The following SCTR variants were observed in gnomAD, a reference collection of about 807,000 sequenced individuals.
SCTR encodes pancreatic secretin receptor.
A neutral mutation model predicts 60.8 loss-of-function variants in SCTR; 56 were observed. The ratio of observed to expected loss-of-function variants is 0.92; its 90% confidence interval spans 0.74 to 1.15. The LOEUF is 1.15. Ranked by LOEUF, SCTR falls within the 50% of genes most tolerant of loss-of-function variation. SCTR has a pLI of 0.00. For synonymous variants in SCTR, 202 were observed against 217.0 expected, an observed-to-expected ratio of 0.93 and a Z score of 0.61; for missense variants, 562 against 550.4, an observed-to-expected ratio of 1.02 and a Z score of -0.21.
At chr2:119,503,454 T>C (rs1291473924) in intron 1 of SCTR, among the ~76,000 whole-genome samples, 3 of 152,124 alleles carry the variant, frequency 2.0e-5, no homozygotes. Context: ...TAGGATTGCT[T>C]GAGCCTGGGA....
In SCTR at chr2:119,456,061, C is replaced by CTTT. The variant is rs34764285; in HGVS notation, c.791-2717_791-2715dup. On this transcript the variant is annotated intron_variant, in intron 7 of 12. Coordinates refer to ENST00000019103, the MANE Select transcript of SCTR (RefSeq NM_002980.3). ...AATTCTGGGGAAAATGATTTTTCAA[C>CTTT]TTTTTTTTTTTTTTTTTTTTTTGAG... 8.3e-4 allele frequency among the ~76,000 whole-genome samples: 100 copies of CTTT among 121,054 alleles called. 1 individual carries two copies. Among genetic ancestry groups the CTTT allele is most frequent in the African/African-American group, 2.7e-3 (82 of 30,682 alleles). 79.4% of individuals were successfully genotyped at this position (121,054 alleles called of 152,430 possible).
At chr2:119,500,249 G>A (rs1678498272) in intron 1 of SCTR, among the ~76,000 whole-genome samples, 2 of 152,140 alleles carry the variant, frequency 1.3e-5, no homozygotes, top group Non-Finnish European at 2.9e-5. Flanking sequence ...ATGAGAAGAA[G>A]GGGAATGCTT....
intron 1 of SCTR, among the ~76,000 whole-genome samples, chr2:119,514,664 T>C (rs1573929337): frequency 6.6e-6 from 1 of 151,994 alleles, no homozygotes; most frequent in South Asian, 2.1e-4. Flanking sequence ...TCACCTGAGG[T>C]CGGGAGTTTG....
At chr2:119,473,316 A>C in intron 4 of SCTR, 137 bp downstream of exon 4, 1 of 623,534 alleles carries the variant, frequency 1.6e-6, no homozygotes, top group Admixed American at 2.8e-5. Flanking sequence ...GCATGGGGAC[A>C]GGGGGTAGCC....
rs193013559 is a variant in SCTR at position 119,449,072 on chromosome 2, C to T, written c.922-292G>A. Among the ~76,000 whole-genome samples, 61 of 152,316 alleles carry T rather than the reference C, an allele frequency of 4.0e-4. 1 individual carries two copies. The highest frequency in any genetic ancestry group is 3.9e-3 in the Admixed American group (59 of 15,296). ...CACCCGTGCAGAGCATTGGAAGCCC[C>T]CGGGGATATTGTTAAAATGCAGGTT... On this transcript the variant is annotated intron_variant, in intron 9 of 12. Transcript: ENST00000019103.
At chr2:119,518,478 A>G (rs1317011207) in intron 1 of SCTR, among the ~76,000 whole-genome samples, 1 of 151,978 alleles carries the variant, frequency 6.6e-6, no homozygotes, top group Non-Finnish European at 1.5e-5. Flanking sequence ...GAACCTCAGG[A>G]GCCTGCAGCA....
At position 119,483,676 on chromosome 2, in the gene SCTR, C is replaced by A. The variant is rs1023960110; in HGVS notation, c.194-4758G>T. 4.6e-5 allele frequency among the ~76,000 whole-genome samples: 7 copies of A among 152,210 alleles called. No homozygotes were observed. In the East Asian group the frequency reaches 1.3e-3, roughly 29 times the overall value. The stretch of plus-strand genomic sequence containing the variant: ...TTTTAAAGAAAATGTGTATTAGAAA[C>A]ATTATAAAACTAGCATATCACATCT... On this transcript the variant is annotated intron_variant, in intron 2 of 12. Transcript: ENST00000019103.
chr2:119,518,392 G>A (rs546838526), intron 1 of SCTR, among the ~76,000 whole-genome samples: 1 of 144,790 alleles, frequency 6.9e-6, no homozygotes, highest in East Asian at 1.9e-4. Flanking sequence ...AAGACACGTG[G>A]CCATCAGGAG....
chr2:119,503,725 T>A (rs769332928), intron 1 of SCTR, among the ~76,000 whole-genome samples: 1 of 152,184 alleles, frequency 6.6e-6, no homozygotes, highest in Non-Finnish European at 1.5e-5. Flanking sequence ...TAATAGCGGA[T>A]ACATGTCATT....
chr2:119,461,727 A>AG, intron 7 of SCTR, 120 bp downstream of exon 7: 1 of 755,006 alleles, frequency 1.3e-6, no homozygotes. Flanking sequence ...AAAAAAAAAA[A>AG]AAAAAGATTA....
chr2:119,474,324 T>C (rs1028622179), intron 3 of SCTR, among the ~76,000 whole-genome samples: 4 of 152,144 alleles, frequency 2.6e-5, no homozygotes, highest in African/African-American at 7.2e-5. Context: ...ACTCTTCTCA[T>C]AGGGAAGAGG....
In SCTR at chr2:119,524,306, G is replaced by T. The variant is rs1679384285; in HGVS notation, c.-80C>A. 3 of 989,544 alleles carry T rather than the reference G, an allele frequency of 3.0e-6. No homozygotes were observed. The highest frequency in any genetic ancestry group is 2.2e-5 in the South Asian group (1 of 44,706). The allele number at this position is 989,544 out of a possible 1,614,324, so 61.3% of individuals were successfully genotyped here. A position where few individuals can be genotyped will look rare whatever the true frequency, so the allele number is the denominator to read the frequency against. Reference sequence around the variant, plus strand: ...CCCGCTCGGGAGCTCAGCGCCCCGCGCAGGGTCCCGGGCTCCGGCCGGCCG... The same window carrying T: ...CCCGCTCGGGAGCTCAGCGCCCCGCTCAGGGTCCCGGGCTCCGGCCGGCCG... On this transcript the variant is annotated 5_prime_UTR_variant, in exon 1 of 13. The change creates a premature stop within an existing upstream ORF in the 5' untranslated region. Coordinates refer to ENST00000019103, the MANE Select transcript of SCTR (RefSeq NM_002980.3).
chr2:119,478,782 C>G, intron 3 of SCTR, 29 bp downstream of exon 3: 1 of 1,611,362 alleles, frequency 6.2e-7, no homozygotes, highest in Non-Finnish European at 8.5e-7. Context: ...CTCAGCCTGT[C>G]CGCCAGGCCC....
At chr2:119,499,254 A>T (rs1448074784) in intron 1 of SCTR, among the ~76,000 whole-genome samples, 1 of 152,132 alleles carries the variant, frequency 6.6e-6, no homozygotes, top group Non-Finnish European at 1.5e-5. Context: ...TGAAAGGAGA[A>T]ATAGGCAAAT....
chr2:119,480,272 T>C (rs1294281500), intron 2 of SCTR, among the ~76,000 whole-genome samples: 2 of 152,192 alleles, frequency 1.3e-5, no homozygotes, highest in Non-Finnish European at 1.5e-5. Context: ...CAGTTTCACA[T>C]AGCTGAGAGG....
chr2:119,477,467 T>A (rs923338894), intron 3 of SCTR, among the ~76,000 whole-genome samples: 1 of 147,540 alleles, frequency 6.8e-6, no homozygotes, highest in East Asian at 2.0e-4. Flanking sequence ...GTTTGTTTGT[T>A]TGTGACAGAG....
intron 4 of SCTR, among the ~76,000 whole-genome samples, chr2:119,471,950 C>T (rs1412490989): frequency 6.6e-6 from 1 of 152,190 alleles, no homozygotes; most frequent in East Asian, 1.9e-4. Flanking sequence ...GCGCATCAAG[C>T]AGCTGGCACT....
intron 1 of SCTR, among the ~76,000 whole-genome samples, chr2:119,496,787 C>A (rs1370675031): frequency 6.6e-6 from 1 of 152,158 alleles, no homozygotes; most frequent in Non-Finnish European, 1.5e-5. Flanking sequence ...CAATAACCAC[C>A]CTACTCCTGC....
intron 9 of SCTR, 62 bp from the exon 10 acceptor site, chr2:119,448,842 G>T: frequency 1.1e-6 from 1 of 903,830 alleles, no homozygotes. Context: ...ACCTCTCCTG[G>T]CCCTGTCCCC....
Sources: allele counts gnomAD v4.1 joint callset (sites outside exome capture counted in the v4.1 genomes callset), GRCh38; gene constraint gnomAD v4.1.1; transcripts MANE v1.5; gene names NCBI Gene and HGNC (gene_info 2026-07-23, HGNC 2026-07-21).